The following CNTNAP2 variants were observed in gnomAD, a reference collection of about 807,000 sequenced individuals.
CNTNAP2 encodes contactin-associated protein-like 2.
In CNTNAP2, 98 loss-of-function variants were observed where a neutral mutation model predicts 155.2. The observed-to-expected ratio is 0.63, with a 90% CI of 0.54 to 0.75. CNTNAP2 has a LOEUF of 0.75. Ranked by LOEUF, CNTNAP2 falls within the 30% of genes least tolerant of loss-of-function variation. The pLI is 0.00. For synonymous variants in CNTNAP2, 651 were observed against 631.2 expected (o/e 1.03, Z -0.47); for missense variants, 1,727 against 1,688.1 (o/e 1.02, Z -0.40).
chr7:146,311,613 A>G (rs1800822735), intron 1 of CNTNAP2: 1 of 148,790 alleles, frequency 6.7e-6, no homozygotes, highest in Non-Finnish European at 1.5e-5. Flanking sequence ...TTTACAAAAA[A>G]AAAAAAAAAA....
chr7:147,103,187 T>G (rs1800689845), intron 4 of CNTNAP2, among the ~76,000 whole-genome samples: 1 of 152,190 alleles, frequency 6.6e-6, no homozygotes, highest in Non-Finnish European at 1.5e-5. Flanking sequence ...CTGTTTTAAG[T>G]GCTGGGCTTT....
chr7:147,252,101 G>A (rs981310400), intron 8 of CNTNAP2, among the ~76,000 whole-genome samples: 2 of 152,134 alleles, frequency 1.3e-5, no homozygotes, highest in Non-Finnish European at 2.9e-5. Flanking sequence ...TATTTCAAAC[G>A]TGCTGTTGGA....
chr7:147,940,383 T>C (rs10952718), intron 14 of CNTNAP2: 42,488 of 148,758 alleles, frequency 0.29, 6,618 homozygotes, highest in East Asian at 0.57. Flanking sequence ...TCCGACTTTA[T>C]CGCCACAGGA....
chr7:147,802,573 A>C (rs1798019752), intron 13 of CNTNAP2, among the ~76,000 whole-genome samples: 1 of 152,200 alleles, frequency 6.6e-6, no homozygotes, highest in East Asian at 1.9e-4. Flanking sequence ...TACGAGCTGG[A>C]GACCAGCCCG....
At chr7:146,982,985 A>C (rs1252852590) in intron 3 of CNTNAP2, among the ~76,000 whole-genome samples, 1 of 152,196 alleles carries the variant, frequency 6.6e-6, no homozygotes, top group African/African-American at 2.4e-5. Flanking sequence ...ATATGCTGCC[A>C]ATGGCTTAAT....
chr7:147,417,288 G>T (rs1324513280), intron 10 of CNTNAP2, among the ~76,000 whole-genome samples: 2 of 152,186 alleles, frequency 1.3e-5, no homozygotes, highest in Non-Finnish European at 2.9e-5. Context: ...TCGCAGTTGT[G>T]GAGGCTGGGA....
chr7:147,957,186 A>T (rs1801030657), intron 14 of CNTNAP2, among the ~76,000 whole-genome samples: 1 of 152,200 alleles, frequency 6.6e-6, no homozygotes, highest in Non-Finnish European at 1.5e-5. Flanking sequence ...CAGGAACTAA[A>T]TGGGTTAGCA....
chr7:147,488,526 T>C (rs1322718299), intron 11 of CNTNAP2, among the ~76,000 whole-genome samples: 2 of 147,290 alleles, frequency 1.4e-5, no homozygotes, highest in African/African-American at 5.1e-5. Context: ...AAAGAAATCA[T>C]GCTAATTATT....
intron 1 of CNTNAP2, among the ~76,000 whole-genome samples, chr7:146,446,931 C>A (rs533889255): frequency 6.6e-6 from 1 of 152,098 alleles, no homozygotes; most frequent in Admixed American, 6.6e-5. Context: ...TAATTTTAGA[C>A]TTTTTAGGTA....
chr7:146,550,687 A>G (rs1798108909), intron 1 of CNTNAP2, among the ~76,000 whole-genome samples: 1 of 152,064 alleles, frequency 6.6e-6, no homozygotes, highest in South Asian at 2.1e-4. Flanking sequence ...AAGACGTTTT[A>G]TATACTAGAC....
intron 4 of CNTNAP2, among the ~76,000 whole-genome samples, chr7:147,076,111 T>C (rs1043144084): frequency 1.1e-4 from 17 of 152,310 alleles, no homozygotes; most frequent in African/African-American, 2.6e-4. Context: ...AGTGTCTTTA[T>C]AGCAGCATGA....
In CNTNAP2 at chr7:146,976,921, C is replaced by A. The variant is rs538442567; in HGVS notation, c.403-66986C>A. Among the ~76,000 whole-genome samples, 3 of 152,246 alleles carry A rather than the reference C, an allele frequency of 2.0e-5. No individual in the cohort carries two copies. The South Asian group carries it at 6.2e-4, about 32-fold the overall frequency. ...TGGGGGCCTATGAACAACAATCAGA[C>A]AAGCAGATCAGAGAATTTCTTTGTA... On this transcript the variant is annotated intron_variant, in intron 3 of 23. Coordinates refer to ENST00000361727, the MANE Select transcript of CNTNAP2 (RefSeq NM_014141.6).
At chr7:146,167,405 T>C (rs1798327907) in intron 1 of CNTNAP2, among the ~76,000 whole-genome samples, 1 of 152,172 alleles carries the variant, frequency 6.6e-6, no homozygotes, top group Non-Finnish European at 1.5e-5. Context: ...TTGAAGAGAA[T>C]AATTTTGTTA....
intron 14 of CNTNAP2, among the ~76,000 whole-genome samples, chr7:147,908,259 G>T (rs1800002193): frequency 6.6e-6 from 1 of 152,182 alleles, no homozygotes; most frequent in Non-Finnish European, 1.5e-5. Flanking sequence ...ATCATCATCA[G>T]AAGAGCAAGT....
intron 1 of CNTNAP2, among the ~76,000 whole-genome samples, chr7:146,683,285 G>A (rs1472883601): frequency 6.6e-6 from 1 of 151,966 alleles, no homozygotes; most frequent in East Asian, 1.9e-4. Context: ...TGCCTGCCTC[G>A]GTCTCCCAAA....
intron 1 of CNTNAP2, among the ~76,000 whole-genome samples, chr7:146,256,667 A>G (rs1026342366): frequency 6.6e-6 from 1 of 152,058 alleles, no homozygotes; most frequent in Non-Finnish European, 1.5e-5. Flanking sequence ...TACTAAGAAA[A>G]TATAAGAAAA....
intron 1 of CNTNAP2, among the ~76,000 whole-genome samples, chr7:146,677,597 T>C (rs936725209): frequency 2.6e-5 from 4 of 152,146 alleles, no homozygotes; most frequent in African/African-American, 9.7e-5. Context: ...GCCCTCCCTC[T>C]CTCTGTCCTC....
At chr7:147,355,558 GAAGAA>G (rs1000144499) in intron 9 of CNTNAP2, among the ~76,000 whole-genome samples, 2 of 151,942 alleles carry the variant, frequency 1.3e-5, no homozygotes, top group African/African-American at 4.8e-5. Context: ...GATTAATAAA[GAAGAA>G]AAGAGAGAAT....
intron 4 of CNTNAP2, among the ~76,000 whole-genome samples, chr7:147,064,823 G>C (rs1442949265): frequency 6.6e-6 from 1 of 152,086 alleles, no homozygotes; most frequent in East Asian, 1.9e-4. Flanking sequence ...CTTCCCAGTT[G>C]GCTGACCTTG....
Sources: allele counts gnomAD v4.1 joint callset (sites outside exome capture counted in the v4.1 genomes callset), GRCh38; gene constraint gnomAD v4.1.1; transcripts MANE v1.5; gene names NCBI Gene and HGNC (gene_info 2026-07-23, HGNC 2026-07-21).